Variants in DIP2C observed in about 807,000 individuals in gnomAD.
The protein encoded by DIP2C is DIP2 acetate--CoA ligase C (putative).
Under a neutral mutation model 192.4 loss-of-function variants are expected in DIP2C, and 33 were observed. That is an observed-to-expected ratio of 0.17 (90% CI 0.13 to 0.23). DIP2C has a LOEUF of 0.23. DIP2C is among the 10% of genes least tolerant of loss of function. The pLI is 1.00. For missense variants in DIP2C, 1,537 were observed against 2,110.1 expected, an observed-to-expected ratio of 0.73 and a Z score of 5.32; for synonymous variants, 979 against 864.1, an observed-to-expected ratio of 1.13 and a Z score of -2.33.
intron 1 of DIP2C, among the ~76,000 whole-genome samples, chr10:671,284 G>T (rs1462760206): frequency 6.6e-6 from 1 of 152,206 alleles, no homozygotes; most frequent in Non-Finnish European, 1.5e-5. Context: ...CAGGCTCACA[G>T]ACAGAGGAAA....
At chr10:605,460 A>G (rs1445451643) in intron 1 of DIP2C, among the ~76,000 whole-genome samples, 4 of 152,208 alleles carry the variant, frequency 2.6e-5, no homozygotes, top group Admixed American at 1.3e-4. Flanking sequence ...ACCACAACAA[A>G]TAAGATCAAC....
chr10:446,494 T>C (rs1968231499), intron 3 of DIP2C, among the ~76,000 whole-genome samples: 8 of 152,198 alleles, frequency 5.3e-5, no homozygotes, highest in Admixed American at 4.6e-4. Context: ...CTAGATTTCC[T>C]AAAATTTTCT....
At chr10:607,175 C>T (rs1003074742) in intron 1 of DIP2C, among the ~76,000 whole-genome samples, 5 of 152,204 alleles carry the variant, frequency 3.3e-5, no homozygotes, top group African/African-American at 9.6e-5. Flanking sequence ...TCTACAAAGT[C>T]GTCCTTCCTC....
intron 1 of DIP2C, among the ~76,000 whole-genome samples, chr10:658,437 G>A (rs1856547625): frequency 6.6e-6 from 1 of 152,254 alleles, no homozygotes; most frequent in Non-Finnish European, 1.5e-5. Context: ...AACAAATGCT[G>A]CAGACCTTTA....
At chr10:399,263 G>A (rs1964227732) in intron 9 of DIP2C, 44 bp from the exon 10 acceptor site, 2 of 1,523,958 alleles carry the variant, frequency 1.3e-6, no homozygotes, top group South Asian at 1.1e-5. Context: ...GTGGGGTCCT[G>A]GCTTCCTAAG....
At chr10:296,572 T>G (rs1465740826) in intron 32 of DIP2C, among the ~76,000 whole-genome samples, 3 of 152,084 alleles carry the variant, frequency 2.0e-5, no homozygotes, top group Non-Finnish European at 4.4e-5. Flanking sequence ...CATGCTGCTA[T>G]AAAGACACAT....
At chr10:596,389 G>A (rs746648944) in intron 1 of DIP2C, among the ~76,000 whole-genome samples, 2 of 149,124 alleles carry the variant, frequency 1.3e-5, no homozygotes, top group Non-Finnish European at 3.0e-5. Flanking sequence ...CCAGCTACTT[G>A]GGAGGCTAAA....
chr10:594,716 G>C (rs1021874575), intron 1 of DIP2C, among the ~76,000 whole-genome samples: 2 of 152,156 alleles, frequency 1.3e-5, no homozygotes, highest in East Asian at 1.9e-4. Flanking sequence ...GGCAGGTCTC[G>C]TCGGCCCCCT....
chr10:662,153 T>G, intron 1 of DIP2C: 1 of 716,920 alleles, frequency 1.4e-6, no homozygotes. Flanking sequence ...CAATCTAACT[T>G]TCTGCCCTCA....
At chr10:511,138 C>T (rs1845986100) in intron 1 of DIP2C, among the ~76,000 whole-genome samples, 1 of 152,188 alleles carries the variant, frequency 6.6e-6, no homozygotes, top group Admixed American at 6.5e-5. Context: ...CCTTGGCCTG[C>T]CCCAGTGAAC....
At chr10:380,642 T>TA (rs1962285194) in intron 17 of DIP2C, among the ~76,000 whole-genome samples, 2 of 152,334 alleles carry the variant, frequency 1.3e-5, no homozygotes, top group South Asian at 4.1e-4. Flanking sequence ...CTTTCTTCTT[T>TA]AAAAAACATA....
chr10:689,568 C>A lies in DIP2C; in HGVS notation c.11G>T (p.Arg4Leu). The A allele has an allele frequency of 8.1e-7, 1 of 1,233,988 alleles. No homozygotes were observed. Among genetic ancestry groups the A allele is most frequent in the Non-Finnish European group, 1.0e-6 (1 of 973,824 alleles). 76.4% of individuals were successfully genotyped at this position (1,233,988 alleles called of 1,614,324 possible). A position where few individuals can be genotyped will look rare whatever the true frequency, so the allele number is the denominator to read the frequency against. Reference protein sequence around the residue: MADRSLEGMALPLE... With the variant: MADLSLEGMALPLE... The stretch of plus-strand genomic sequence containing the variant: ...GGGCAGCGCCATGCCCTCCAGGCTG[C>A]GGTCCGCCATGCTCCGCGGGCGCCG... The change falls in exon 1 of 37, where the codon CGC becomes CTC. Residue 4 changes from arginine to leucine, a missense_variant. Arg to Leu is a moderately radical substitution (Grantham distance 102, BLOSUM62 -2). Coordinates refer to ENST00000280886, the MANE Select transcript of DIP2C (RefSeq NM_014974.3). This position sits in a 1 kb window ranked among gnomAD's most constrained non-coding sequence, Gnocchi z 6.1.
intron 1 of DIP2C, among the ~76,000 whole-genome samples, chr10:565,341 A>G (rs1227306556): frequency 6.9e-6 from 1 of 144,122 alleles, no homozygotes; most frequent in Non-Finnish European, 1.5e-5. Flanking sequence ...AATATGAAAC[A>G]GTACCTGCAT....
At chr10:685,348 G>C (rs1263078377) in intron 1 of DIP2C, among the ~76,000 whole-genome samples, 1 of 151,910 alleles carries the variant, frequency 6.6e-6, no homozygotes, top group African/African-American at 2.4e-5. Context: ...CTCGCTGAAG[G>C]AATCGGCTAC....
At chr10:572,401 C>T (rs1849879432) in intron 1 of DIP2C, among the ~76,000 whole-genome samples, 1 of 152,196 alleles carries the variant, frequency 6.6e-6, no homozygotes, top group Non-Finnish European at 1.5e-5. Flanking sequence ...TGCATCTTTC[C>T]ATCACGGGGT....
chr10:531,296 C>T (rs1462548815), intron 1 of DIP2C, among the ~76,000 whole-genome samples: 1 of 152,104 alleles, frequency 6.6e-6, no homozygotes, highest in African/African-American at 2.4e-5. Context: ...AGACATTCCA[C>T]GAACCTGATG....
At chr10:477,106 A>T (rs925389829) in intron 2 of DIP2C, among the ~76,000 whole-genome samples, 3 of 150,220 alleles carry the variant, frequency 2.0e-5, no homozygotes, top group Non-Finnish European at 4.4e-5. Context: ...AGGAGATACA[A>T]GGTACACAGA....
chr10:313,277 C>A (rs1956636481), intron 31 of DIP2C, among the ~76,000 whole-genome samples: 2 of 151,986 alleles, frequency 1.3e-5, no homozygotes, highest in African/African-American at 2.4e-5. Flanking sequence ...GACCCACAGA[C>A]AAACAGCATT....
rs78550338 is a variant in DIP2C at position 409,070 on chromosome 10, A to T, written c.1058-53T>A. The T allele has an allele frequency of 3.3e-3, 5,254 of 1,577,214 alleles. 33 individuals carry two copies. Among genetic ancestry groups the T allele is most frequent in the Middle Eastern group, 0.016 (95 of 5,926 alleles). On this transcript the variant is annotated intron_variant, in intron 8 of 36. Coordinates refer to ENST00000280886, the MANE Select transcript of DIP2C (RefSeq NM_014974.3). ...GCGTATTAAACCATACGGAGAGCAC[A>T]GCTTCTGCAAGTCAAAGTCTAGGAC...
Sources: allele counts gnomAD v4.1 joint callset (sites outside exome capture counted in the v4.1 genomes callset), GRCh38; gene constraint gnomAD v4.1.1; non-coding constraint Gnocchi (gnomAD v3.1); transcripts MANE v1.5; gene names NCBI Gene and HGNC (gene_info 2026-07-23, HGNC 2026-07-21).